Variants in HCN1 observed in about 807,000 individuals in gnomAD.
The protein encoded by HCN1 is potassium/sodium hyperpolarization-activated cyclic nucleotide-gated channel 1.
A neutral mutation model predicts 78.9 loss-of-function variants in HCN1; 13 were observed. The observed-to-expected ratio is 0.16, with a 90% CI of 0.11 to 0.26. The LOEUF (loss-of-function observed/expected upper bound fraction) is 0.26, where lower values mean the gene tolerates loss of function less well. Among genes scored for constraint, HCN1 ranks in the 10% least tolerant of loss-of-function variants. The pLI is 1.00. For missense variants in HCN1, 810 were observed against 1,154.3 expected (o/e 0.70, Z 4.32); for synonymous variants, 552 against 455.5 (o/e 1.21, Z -2.70).
chr5:45,567,074 G>C (rs1743722615), intron 2 of HCN1, among the ~76,000 whole-genome samples: 1 of 152,022 alleles, frequency 6.6e-6, no homozygotes, highest in South Asian at 2.1e-4. Context: ...CAATACATAG[G>C]GGAATTTCAC....
rs557642131 is a variant in HCN1, at chr5:45,306,075, G to T, written c.1378-2236C>A. ...ACAGGAAGATAAAAGGTGACGTGGA[G>T]TTAAAAGAAGACAGAGTTATGTCAT... On this transcript the variant is annotated intron_variant, in intron 5 of 7. Coordinates refer to ENST00000303230, the MANE Select transcript of HCN1 (RefSeq NM_021072.4). Among the ~76,000 whole-genome samples the T allele has an allele frequency of 7.9e-5, 12 of 152,152 alleles. No individual in the cohort carries two copies. In the South Asian group the frequency reaches 2.5e-3, roughly 32 times the overall value.
intron 2 of HCN1, among the ~76,000 whole-genome samples, chr5:45,483,405 T>C (rs1363987143): frequency 6.6e-6 from 1 of 152,206 alleles, no homozygotes; most frequent in Non-Finnish European, 1.5e-5. Flanking sequence ...TTCATGTGTG[T>C]TGGCGACTTG....
intron 2 of HCN1, among the ~76,000 whole-genome samples, chr5:45,493,080 T>A (rs184234730): frequency 1.3e-5 from 2 of 152,268 alleles, no homozygotes; most frequent in Admixed American, 1.3e-4. Context: ...ATACAAATTC[T>A]TGTAAAATAT....
At chr5:45,365,978 TA>T (rs2111997648) in intron 4 of HCN1, among the ~76,000 whole-genome samples, 1 of 152,020 alleles carries the variant, frequency 6.6e-6, no homozygotes, top group Non-Finnish European at 1.5e-5. Context: ...ATTAAGGACA[TA>T]ATGTTTCATA....
chr5:45,474,920 A>G (rs1741481164), intron 2 of HCN1, among the ~76,000 whole-genome samples: 1 of 151,956 alleles, frequency 6.6e-6, no homozygotes, highest in Non-Finnish European at 1.5e-5. Context: ...TAAAATCTAT[A>G]ACCTGTTAAC....
intron 1 of HCN1, among the ~76,000 whole-genome samples, chr5:45,682,758 T>C (rs534009647): frequency 2.0e-5 from 3 of 152,156 alleles, no homozygotes; most frequent in South Asian, 4.1e-4. Flanking sequence ...AATTGTGACA[T>C]GTTCTATGAA....
chr5:45,518,076 C>G (rs1742545644), intron 2 of HCN1, among the ~76,000 whole-genome samples: 1 of 152,042 alleles, frequency 6.6e-6, no homozygotes, highest in Non-Finnish European at 1.5e-5. Context: ...AACTGGCTCA[C>G]AGCTAAAAGG....
chr5:45,277,488 C>A (rs1745086973), intron 6 of HCN1, among the ~76,000 whole-genome samples: 1 of 151,996 alleles, frequency 6.6e-6, no homozygotes, highest in Non-Finnish European at 1.5e-5. Flanking sequence ...AAAAACAATG[C>A]TAGGCTGTGT....
intron 5 of HCN1, among the ~76,000 whole-genome samples, chr5:45,324,818 A>G (rs1366593532): frequency 6.6e-6 from 1 of 151,798 alleles, no homozygotes; most frequent in Admixed American, 6.6e-5. Context: ...CGCTGACTAC[A>G]CGAAATTTGT....
At chr5:45,278,404 A>T (rs1198603616) in intron 6 of HCN1, among the ~76,000 whole-genome samples, 1 of 152,108 alleles carries the variant, frequency 6.6e-6, no homozygotes, top group Admixed American at 6.6e-5. Context: ...AACAGAAAAA[A>T]TTTATTAGGC....
intron 7 of HCN1, among the ~76,000 whole-genome samples, chr5:45,266,704 A>AT (rs113257713): frequency 0.014 from 1,956 of 136,636 alleles, 25 homozygotes; most frequent in African/African-American, 0.027. Flanking sequence ...GGCATGTGGG[A>AT]TTTTTTTTTT....
chr5:45,309,255 G>A (rs1745799832), intron 5 of HCN1, among the ~76,000 whole-genome samples: 1 of 152,030 alleles, frequency 6.6e-6, no homozygotes, highest in Non-Finnish European at 1.5e-5. Flanking sequence ...TATCAGCTGA[G>A]GAAGCTTTAG....
chr5:45,494,638 C>G (rs1741981880), intron 2 of HCN1, among the ~76,000 whole-genome samples: 2 of 151,948 alleles, frequency 1.3e-5, no homozygotes, highest in South Asian at 4.2e-4. Flanking sequence ...GTTTTGTTGC[C>G]ATTGCTTTTG....
intron 5 of HCN1, among the ~76,000 whole-genome samples, chr5:45,326,132 T>C (rs1334810066): frequency 6.6e-6 from 1 of 151,556 alleles, no homozygotes; most frequent in Non-Finnish European, 1.5e-5. Context: ...CGCATTTTCC[T>C]TAAAAAAATT....
At chr5:45,358,207 A>G (rs1747041304) in intron 4 of HCN1, among the ~76,000 whole-genome samples, 1 of 152,128 alleles carries the variant, frequency 6.6e-6, no homozygotes. Context: ...AATGGAAATC[A>G]TAAGTATAAT....
intron 5 of HCN1, among the ~76,000 whole-genome samples, chr5:45,334,374 C>G (rs764272280): frequency 4.0e-5 from 6 of 151,788 alleles, no homozygotes; most frequent in Admixed American, 6.6e-5. Flanking sequence ...AGTGCAAACT[C>G]TTTCCACTGA....
At chr5:45,658,527 T>A (rs1256545986) in intron 1 of HCN1, among the ~76,000 whole-genome samples, 1 of 152,136 alleles carries the variant, frequency 6.6e-6, no homozygotes, top group East Asian at 1.9e-4. Context: ...GATTTCTGCA[T>A]TTCCATCTGA....
intron 4 of HCN1, among the ~76,000 whole-genome samples, chr5:45,366,973 T>G (rs867483094): frequency 6.6e-6 from 1 of 151,788 alleles, no homozygotes; most frequent in Admixed American, 6.6e-5. Context: ...CATCTATGTT[T>G]CAGATCCAAG....
rs553207454 is a variant in HCN1, at chr5:45,348,259, C to T, written c.1377+4841G>A. Among the ~76,000 whole-genome samples the T allele has an allele frequency of 2.6e-3, 402 of 152,218 alleles. 3 individuals are homozygous for T. Among genetic ancestry groups the T allele is most frequent in the Non-Finnish European group, 4.6e-3 (313 of 68,018 alleles). On this transcript the variant is annotated intron_variant, in intron 5 of 7. Transcript: ENST00000303230. ...TTTCAACCCAGAATTTCATATCCAG[C>T]CAAGCTAAGCTTCATAAGTGAAGGA...
Sources: allele counts gnomAD v4.1 joint callset (sites outside exome capture counted in the v4.1 genomes callset), GRCh38; gene constraint gnomAD v4.1.1; transcripts MANE v1.5; gene names NCBI Gene and HGNC (gene_info 2026-07-23, HGNC 2026-07-21).